The following STAG1 variants were observed in gnomAD, a reference collection of about 807,000 sequenced individuals.
STAG1 encodes the protein cohesin subunit SA-1.
Under a neutral mutation model 170.9 loss-of-function variants are expected in STAG1, and 26 were observed. That is an observed-to-expected ratio of 0.15 (90% CI 0.11 to 0.21). The LOEUF (loss-of-function observed/expected upper bound fraction) is 0.21. Among genes scored for constraint, STAG1 ranks in the 10% least tolerant of loss-of-function variants. The pLI is 1.00. For missense variants in STAG1, 964 were observed against 1,509.5 expected, an observed-to-expected ratio of 0.64 and a Z score of 5.99; for synonymous variants, 514 against 497.7, an observed-to-expected ratio of 1.03 and a Z score of -0.44.
intron 1 of STAG1, among the ~76,000 whole-genome samples, chr3:136,634,278 GC>G (rs1940460580): frequency 6.6e-6 from 1 of 151,888 alleles, no homozygotes; most frequent in Admixed American, 6.6e-5. Context: ...GATCACTTGA[GC>G]CTAGGAGGTT....
chr3:136,358,798 T>A (rs997472528), intron 27 of STAG1, among the ~76,000 whole-genome samples: 1 of 152,050 alleles, frequency 6.6e-6, no homozygotes, highest in African/African-American at 2.4e-5. Context: ...AGTCTCGAAC[T>A]CCTGGCCCCA....
At chr3:136,478,370 C>A (rs1005726466) in intron 9 of STAG1, among the ~76,000 whole-genome samples, 4 of 152,142 alleles carry the variant, frequency 2.6e-5, no homozygotes, top group Non-Finnish European at 4.4e-5. Flanking sequence ...TCCTACTATA[C>A]AATCTCTGTG....
At chr3:136,600,257 A>G (rs1012576011) in intron 4 of STAG1, among the ~76,000 whole-genome samples, 1 of 152,228 alleles carries the variant, frequency 6.6e-6, no homozygotes, top group Non-Finnish European at 1.5e-5. Flanking sequence ...TACCCTAAAC[A>G]TAAGCCTATG....
chr3:136,735,187 G>A (rs942776837), intron 1 of STAG1, among the ~76,000 whole-genome samples: 6 of 150,492 alleles, frequency 4.0e-5, no homozygotes, highest in Admixed American at 6.6e-5. Context: ...GTGTGACCTC[G>A]GCTCACTACA....
intron 6 of STAG1, among the ~76,000 whole-genome samples, chr3:136,529,635 C>CA (rs996717260): frequency 4.6e-5 from 7 of 152,086 alleles, no homozygotes; most frequent in East Asian, 3.9e-4. Context: ...CTGTTCTACA[C>CA]AAAAAAATGC....
At chr3:136,409,453 T>C (rs1223982284) in intron 21 of STAG1, among the ~76,000 whole-genome samples, 2 of 151,908 alleles carry the variant, frequency 1.3e-5, no homozygotes, top group Middle Eastern at 3.2e-3. Flanking sequence ...CCTCCCATCT[T>C]AGCCTCCCGA....
chr3:136,396,477 T>A (rs1382864523), intron 22 of STAG1, among the ~76,000 whole-genome samples: 4 of 141,260 alleles, frequency 2.8e-5, no homozygotes, highest in African/African-American at 1.1e-4. Flanking sequence ...CACCTCGGCC[T>A]CCCAAAGTGT....
intron 3 of STAG1, among the ~76,000 whole-genome samples, chr3:136,618,551 G>A (rs1486457495): frequency 1.3e-5 from 2 of 152,102 alleles, no homozygotes; most frequent in Non-Finnish European, 2.9e-5. Flanking sequence ...ATAATGTTGA[G>A]AATATAGAAG....
At chr3:136,623,001 T>A (rs1323077043) in intron 3 of STAG1, 145 bp downstream of exon 3, 1 of 618,390 alleles carries the variant, frequency 1.6e-6, no homozygotes, top group Non-Finnish European at 2.8e-6. Flanking sequence ...CCAAGACAAT[T>A]TATGTGAAAA....
chr3:136,420,408 G>A (rs1031309606), intron 20 of STAG1, among the ~76,000 whole-genome samples: 1 of 152,012 alleles, frequency 6.6e-6, no homozygotes, highest in East Asian at 1.9e-4. Flanking sequence ...TATTGCCCAG[G>A]CTGGTCTCAA....
chr3:136,421,425 G>C (rs1576449673), intron 19 of STAG1, among the ~76,000 whole-genome samples: 1 of 152,176 alleles, frequency 6.6e-6, no homozygotes, highest in East Asian at 1.9e-4. Flanking sequence ...AAATTTCTAA[G>C]AGAAAAATGT....
chr3:136,689,699 C>T (rs1576767418), intron 1 of STAG1, among the ~76,000 whole-genome samples: 1 of 152,272 alleles, frequency 6.6e-6, no homozygotes, highest in East Asian at 1.9e-4. Context: ...GCTTTAATAG[C>T]AGCATTTCTT....
At chr3:136,740,271 A>C (rs997230716) in intron 1 of STAG1, among the ~76,000 whole-genome samples, 1 of 152,104 alleles carries the variant, frequency 6.6e-6, no homozygotes, top group African/African-American at 2.4e-5. Flanking sequence ...TAACGCAAAC[A>C]CTCCATGTAA....
intron 1 of STAG1, among the ~76,000 whole-genome samples, chr3:136,651,755 G>A (rs1287784124): frequency 1.3e-5 from 2 of 152,112 alleles, no homozygotes; most frequent in African/African-American, 4.8e-5. Context: ...AGAAGGGGAG[G>A]AAACTTGGAA....
At chr3:136,582,597 G>C (rs748732137) in intron 4 of STAG1, among the ~76,000 whole-genome samples, 8 of 152,162 alleles carry the variant, frequency 5.3e-5, no homozygotes, top group Admixed American at 1.3e-4. Context: ...TCAGGAGTTC[G>C]AGACCAGCCT....
chr3:136,654,048 A>C (rs1443976996), intron 1 of STAG1, among the ~76,000 whole-genome samples: 1 of 152,202 alleles, frequency 6.6e-6, no homozygotes, highest in Non-Finnish European at 1.5e-5. Flanking sequence ...ATTCTGAAAG[A>C]CTGAAAGCTC....
At chr3:136,749,330 T>G in intron 1 of STAG1, among the ~76,000 whole-genome samples, 1 of 152,192 alleles carries the variant, frequency 6.6e-6, no homozygotes, top group East Asian at 1.9e-4. Flanking sequence ...ACAGCCATGT[T>G]GTGAACTATG....
At chr3:136,645,138 T>G (rs1267903356) in intron 1 of STAG1, among the ~76,000 whole-genome samples, 1 of 152,212 alleles carries the variant, frequency 6.6e-6, no homozygotes. Context: ...ACAATTGATA[T>G]TTTGCTTTTT....
intron 1 of STAG1, among the ~76,000 whole-genome samples, chr3:136,710,940 T>C (rs1284276648): frequency 6.6e-6 from 1 of 152,084 alleles, no homozygotes; most frequent in Admixed American, 6.5e-5. Context: ...TTATAAATAC[T>C]GGAGATGCTT....
Sources: allele counts gnomAD v4.1 joint callset (sites outside exome capture counted in the v4.1 genomes callset), GRCh38; gene constraint gnomAD v4.1.1; transcripts MANE v1.5; gene names NCBI Gene and HGNC (gene_info 2026-07-23, HGNC 2026-07-21).